The following PPP2R2C variants were observed in gnomAD, a reference collection of about 807,000 sequenced individuals.
PPP2R2C encodes protein phosphatase 2, regulatory subunit B, gamma.
PPP2R2C carries 10 observed loss-of-function variants against 45.3 expected under a neutral mutation model. The observed-to-expected ratio is 0.22, with a 90% confidence interval of 0.14 to 0.37. PPP2R2C has a LOEUF of 0.37. Ranked by LOEUF, PPP2R2C falls within the 10% of genes least tolerant of loss-of-function variation. The pLI is 1.00. For synonymous variants in PPP2R2C, 257 were observed against 245.4 expected, an observed-to-expected ratio of 1.05 and a Z score of -0.44; for missense variants, 308 against 619.7, an observed-to-expected ratio of 0.50 and a Z score of 5.34.
chr4:6,359,635 A>G (rs1577105550), intron 5 of PPP2R2C, among the ~76,000 whole-genome samples: 1 of 151,364 alleles, frequency 6.6e-6, no homozygotes, highest in African/African-American at 2.4e-5. Context: ...AAAAAAAAAA[A>G]AAAGAAACTC....
intron 2 of PPP2R2C, among the ~76,000 whole-genome samples, chr4:6,505,297 T>C (rs1723187315): frequency 6.6e-6 from 1 of 152,134 alleles, no homozygotes; most frequent in South Asian, 2.1e-4. Flanking sequence ...CTACAAAGAA[T>C]GCCAAAGGAA....
intron 2 of PPP2R2C, among the ~76,000 whole-genome samples, chr4:6,506,425 A>G (rs1262651324): frequency 6.6e-6 from 1 of 152,232 alleles, no homozygotes; most frequent in Non-Finnish European, 1.5e-5. Context: ...CGTGGAACAC[A>G]GCTATGCCAA....
intron 5 of PPP2R2C, chr4:6,349,017 G>A (rs548556481): frequency 9.7e-5 from 96 of 985,356 alleles, no homozygotes; most frequent in South Asian, 5.6e-4. Flanking sequence ...CAACCTCCCC[G>A]GCCCCAGCAC....
chr4:6,465,271 A>G (rs1225382173), intron 1 of PPP2R2C, among the ~76,000 whole-genome samples: 1 of 152,152 alleles, frequency 6.6e-6, no homozygotes, highest in Non-Finnish European at 1.5e-5. Flanking sequence ...GTAAAATAAG[A>G]TAACTGTTGG....
chr4:6,530,005 TC>T (rs1724342656), intron 2 of PPP2R2C, among the ~76,000 whole-genome samples: 1 of 151,848 alleles, frequency 6.6e-6, no homozygotes, highest in African/African-American at 2.4e-5. Flanking sequence ...GCTGGATGAG[TC>T]CCAGAGAATC....
At chr4:6,395,867 G>A (rs922565907) in intron 1 of PPP2R2C, among the ~76,000 whole-genome samples, 1 of 152,160 alleles carries the variant, frequency 6.6e-6, no homozygotes, top group Non-Finnish European at 1.5e-5. Flanking sequence ...TCCCCAGCTG[G>A]TGTGAGTCCC....
intron 1 of PPP2R2C, among the ~76,000 whole-genome samples, chr4:6,415,631 C>T (rs143527688): frequency 1.3e-5 from 2 of 152,288 alleles, no homozygotes; most frequent in African/African-American, 4.8e-5. Context: ...GCCAAGTCAC[C>T]GTGCCTCAAT....
At chr4:6,402,979 G>C (rs1255831975) in intron 1 of PPP2R2C, among the ~76,000 whole-genome samples, 5 of 152,200 alleles carry the variant, frequency 3.3e-5, no homozygotes, top group African/African-American at 1.2e-4. Context: ...GGAGTGCTAG[G>C]CTCTGCACGT....
chr4:6,472,453 G>C lies in PPP2R2C; in HGVS notation c.-224C>G, dbSNP rs906747452. On this transcript the variant is annotated 5_prime_UTR_variant, in exon 1 of 9. Coordinates refer to ENST00000382599, the MANE Select transcript of PPP2R2C (RefSeq NM_020416.4). ...GTGGGCGGGCGGCGGCCGCGGGTTC[G>C]GGCGGGCCGGGGCCCAGGCGCGCAT... is the stretch of plus-strand genomic sequence containing the variant. 8.1e-6 allele frequency: 3 copies of C among 371,650 alleles called. No individual in the cohort carries two copies. In the South Asian group the frequency reaches 3.2e-4, roughly 40 times the overall value. The allele number at this position is 371,650 out of a possible 1,614,324, so 23.0% of individuals were successfully genotyped here.
intron 1 of PPP2R2C, among the ~76,000 whole-genome samples, chr4:6,562,238 C>T (rs1271433212): frequency 6.6e-6 from 1 of 152,188 alleles, no homozygotes; most frequent in African/African-American, 2.4e-5. Flanking sequence ...AGGAGCTCAC[C>T]TGTGGGCAAC....
intron 5 of PPP2R2C, 86 bp downstream of exon 5, chr4:6,372,437 G>T: frequency 1.4e-6 from 2 of 1,433,914 alleles, no homozygotes; most frequent in Non-Finnish European, 1.9e-6. Flanking sequence ...CCCCAAACCA[G>T]CTGTCTGCCA....
intron 5 of PPP2R2C, among the ~76,000 whole-genome samples, chr4:6,370,010 C>T (rs994558671): frequency 6.6e-6 from 1 of 152,214 alleles, no homozygotes; most frequent in African/African-American, 2.4e-5. Context: ...AGGGTTTCGG[C>T]ATCCATAGTG....
intron 2 of PPP2R2C, among the ~76,000 whole-genome samples, chr4:6,488,878 G>T (rs1412764740): frequency 6.6e-6 from 1 of 152,178 alleles, no homozygotes; most frequent in Non-Finnish European, 1.5e-5. Context: ...CACTACTCCT[G>T]ACTGTGTGCG....
intron 1 of PPP2R2C, among the ~76,000 whole-genome samples, chr4:6,391,537 T>C (rs950806361): frequency 3.3e-5 from 5 of 152,194 alleles, no homozygotes; most frequent in African/African-American, 9.7e-5. Flanking sequence ...TACATAAACA[T>C]TTAAACTGGG....
chr4:6,521,855 C>T (rs746646614), intron 2 of PPP2R2C, among the ~76,000 whole-genome samples: 5 of 152,192 alleles, frequency 3.3e-5, no homozygotes, highest in Admixed American at 6.5e-5. Context: ...AACTGAGGCA[C>T]AGCTCACGGA....
At chr4:6,338,710 C>A (rs769997329) in intron 6 of PPP2R2C, among the ~76,000 whole-genome samples, 4 of 152,174 alleles carry the variant, frequency 2.6e-5, no homozygotes, top group Non-Finnish European at 5.9e-5. Context: ...CACACTCCAG[C>A]CCCCTTCCTG....
At chr4:6,547,708 G>T (rs1725036751) in intron 1 of PPP2R2C, among the ~76,000 whole-genome samples, 1 of 152,148 alleles carries the variant, frequency 6.6e-6, no homozygotes, top group African/African-American at 2.4e-5. Context: ...CCTGGGGCAG[G>T]TGCAAAGGGT....
chr4:6,356,700 G>A (rs1194097085), intron 5 of PPP2R2C, among the ~76,000 whole-genome samples: 1 of 152,270 alleles, frequency 6.6e-6, no homozygotes. Context: ...GAGCTGCTGA[G>A]AAGGTCTGCG....
At chr4:6,520,544 C>T (rs1364663439) in intron 2 of PPP2R2C, among the ~76,000 whole-genome samples, 1 of 152,198 alleles carries the variant, frequency 6.6e-6, no homozygotes. Context: ...AGGGCCATCC[C>T]CAGGGCACAA....
Sources: gnomAD v4.1 joint callset for allele counts (sites outside exome capture counted in the v4.1 genomes callset) on GRCh38, gnomAD v4.1.1 for gene constraint, MANE v1.5 for transcripts, NCBI Gene and HGNC (gene_info 2026-07-23, HGNC 2026-07-21) for gene names.